The following RNF220 variants were observed in gnomAD, a reference collection of about 807,000 sequenced individuals.
RNF220 encodes ring finger protein 220, also known as E3 ubiquitin-protein ligase RNF220.
A neutral mutation model predicts 67.1 loss-of-function variants in RNF220; 7 were observed. The observed-to-expected ratio is 0.10, with a 90% CI of 0.06 to 0.20. The LOEUF (loss-of-function observed/expected upper bound fraction) is 0.20. Ranked by LOEUF, RNF220 falls within the 10% of genes least tolerant of loss-of-function variation. The pLI is 1.00. For missense variants in RNF220, 565 were observed against 740.3 expected (o/e 0.76, Z 2.75); for synonymous variants, 270 against 283.2 (o/e 0.95, Z 0.47).
At chr1:44,503,024 G>T (rs775168253) in intron 2 of RNF220, among the ~76,000 whole-genome samples, 39 of 152,012 alleles carry the variant, frequency 2.6e-4, no homozygotes, top group Non-Finnish European at 5.3e-4. Context: ...TTACTTTAAT[G>T]TTGGGTGCAT....
rs147938334 is a variant in RNF220 at position 44,595,627 on chromosome 1, G to A, written c.626-18538G>A. On this transcript the variant is annotated intron_variant, in intron 2 of 14. Coordinates refer to ENST00000361799, the MANE Select transcript of RNF220 (RefSeq NM_018150.4). The stretch of plus-strand genomic sequence containing the variant: ...CTCCAGACTCAGCAATACTGAGCAC[G>A]TGTTTGTCTGCTCTCTTCACTGAAA... Among the ~76,000 whole-genome samples the A allele has an allele frequency of 2.7e-3, 417 of 152,278 alleles. 1 individual carries two copies. The highest frequency in any genetic ancestry group is 9.5e-3 in the African/African-American group (396 of 41,554).
chr1:44,599,274 T>C (rs1666754158), intron 2 of RNF220, among the ~76,000 whole-genome samples: 3 of 152,232 alleles, frequency 2.0e-5, no homozygotes, highest in Non-Finnish European at 2.9e-5. Flanking sequence ...ATATGATGTA[T>C]GCAATAATCG....
chr1:44,631,905 G>A (rs1644139488), intron 5 of RNF220: 5 of 986,136 alleles, frequency 5.1e-6, no homozygotes, highest in Non-Finnish European at 6.0e-6. Flanking sequence ...GTCTCTGTCC[G>A]GCCGCCCCCG....
chr1:44,512,512 G>T (rs12145658), intron 2 of RNF220, among the ~76,000 whole-genome samples: 25,817 of 152,158 alleles, frequency 0.17, 2,807 homozygotes, highest in Non-Finnish European at 0.24. Flanking sequence ...CCCTAAGGGG[G>T]TTAGCTGAGA....
intron 6 of RNF220, among the ~76,000 whole-genome samples, chr1:44,633,979 A>G (rs1029758814): frequency 3.9e-5 from 6 of 152,228 alleles, no homozygotes; most frequent in African/African-American, 1.4e-4. Flanking sequence ...CAGTCATGTC[A>G]CCTATAGTGA....
At chr1:44,494,603 A>G (rs1305704135) in intron 2 of RNF220, among the ~76,000 whole-genome samples, 1 of 152,134 alleles carries the variant, frequency 6.6e-6, no homozygotes, top group Non-Finnish European at 1.5e-5. Context: ...AAAAAGAAAA[A>G]AAAAAGATAC....
In RNF220 at chr1:44,412,750, T is replaced by TACCCCCAGTAAGCCCTGCCTC. The variant is rs1309120621; in HGVS notation, c.625+32_625+52dup. On this transcript the variant is annotated intron_variant, in intron 2 of 14. Transcript: ENST00000361799. This position sits in a 1 kb window ranked among gnomAD's most constrained non-coding sequence, Gnocchi z 5.3. ...AAGTACTTTGGTTCCAGCCCTCCCT[T>TACCCCCAGTAAGCCCTGCCTC]ACCCCCAGTAAGCCCTGCCTCACCG... 6.3e-7 allele frequency: 1 copy of TACCCCCAGTAAGCCCTGCCTC among 1,596,468 alleles called. No homozygotes were observed. Among genetic ancestry groups the TACCCCCAGTAAGCCCTGCCTC allele is most frequent in the Non-Finnish European group, 8.5e-7 (1 of 1,169,742 alleles).
In RNF220 at chr1:44,650,278, G is replaced by A. The variant is rs980150192; in HGVS notation, c.1629+321G>A. ...GGCTGGCTGTAGGTAAACAGGACCA[G>A]GGCCTTGGCCCCTCCCCCTCCCATT... On this transcript the variant is annotated intron_variant, in intron 14 of 14. Coordinates refer to ENST00000361799, the MANE Select transcript of RNF220 (RefSeq NM_018150.4). This position sits in a 1 kb window ranked among gnomAD's most constrained non-coding sequence, Gnocchi z 4.3. 67 of 515,464 alleles carry A rather than the reference G, an allele frequency of 1.3e-4. No homozygotes were observed. The highest frequency in any genetic ancestry group is 2.2e-4 in the Non-Finnish European group (64 of 287,056). The allele number at this position is 515,464 out of a possible 1,614,324, so 31.9% of individuals were successfully genotyped here.
chr1:44,552,906 A>C (rs1662777848), intron 2 of RNF220, among the ~76,000 whole-genome samples: 1 of 152,150 alleles, frequency 6.6e-6, no homozygotes, highest in African/African-American at 2.4e-5. Context: ...ACCACATGTC[A>C]TCTGATCTCT....
chr1:44,462,521 G>A (rs550766993), intron 2 of RNF220, among the ~76,000 whole-genome samples: 1 of 152,230 alleles, frequency 6.6e-6, no homozygotes, highest in South Asian at 2.1e-4. Context: ...ACTTGATAGA[G>A]GTTTCCCCAA....
chr1:44,531,923 G>T (rs1660866133), intron 2 of RNF220, among the ~76,000 whole-genome samples: 1 of 152,186 alleles, frequency 6.6e-6, no homozygotes, highest in Admixed American at 6.5e-5. Flanking sequence ...GGACATACAA[G>T]AATCAGCTTC....
chr1:44,592,920 C>T (rs920813520), intron 2 of RNF220, among the ~76,000 whole-genome samples: 5 of 152,106 alleles, frequency 3.3e-5, no homozygotes, highest in South Asian at 2.1e-4. Flanking sequence ...CAGGATAGGA[C>T]GCAGGGAGTG....
chr1:44,419,810 A>C (rs1230974512), intron 2 of RNF220: 1 of 152,232 alleles, frequency 6.6e-6, no homozygotes, highest in African/African-American at 2.4e-5. Flanking sequence ...CCTTTCTCAA[A>C]TATAGACTTA....
At chr1:44,556,839 G>A (rs1427929866) in intron 2 of RNF220, among the ~76,000 whole-genome samples, 4 of 152,064 alleles carry the variant, frequency 2.6e-5, no homozygotes, top group Non-Finnish European at 2.9e-5. Flanking sequence ...GATTACAGGC[G>A]TAAGCCACCG....
At chr1:44,633,518 A>G (rs905581225) in intron 6 of RNF220, among the ~76,000 whole-genome samples, 1 of 152,214 alleles carries the variant, frequency 6.6e-6, no homozygotes, top group South Asian at 2.1e-4. Context: ...GGGAAGGTGA[A>G]AACCAAACCT....
intron 8 of RNF220, chr1:44,643,643 G>GAC (rs1644550434): frequency 6.6e-6 from 1 of 152,130 alleles, no homozygotes; most frequent in Non-Finnish European, 1.5e-5. Flanking sequence ...AAGCAGAAAT[G>GAC]TCTGAAATCA....
Position 44,554,072 on chromosome 1 carries a change from C to T in RNF220, c.626-60093C>T, listed in dbSNP as rs572160615. Among the ~76,000 whole-genome samples, 14 of 152,298 alleles carry T rather than the reference C, an allele frequency of 9.2e-5. No homozygotes were observed. In the South Asian group the frequency reaches 2.9e-3, roughly 32 times the overall value. ...CATAGGAATCCTGAAGGCAAGCAAG[C>T]TTGGTTGTTGGGGCAGAAGACAGAA... On this transcript the variant is annotated intron_variant, in intron 2 of 14. Coordinates refer to ENST00000361799, the MANE Select transcript of RNF220 (RefSeq NM_018150.4).
At position 44,646,658 on chromosome 1, in the gene RNF220, A is replaced by G. The variant is rs1285443671; in HGVS notation, c.1445+1170A>G. 2.6e-5 allele frequency among the ~76,000 whole-genome samples: 4 copies of G among 152,016 alleles called. No individual in the cohort carries two copies. In the East Asian group the frequency reaches 7.7e-4, roughly 29 times the overall value. ...TAATCAGGGATGGCGCCCGAGGGGG[A>G]GGTGGGGGCAGAGCCAGTGGCTTCC... On this transcript the variant is annotated intron_variant, in intron 12 of 14. Transcript: ENST00000361799.
chr1:44,530,966 T>C (rs566576093), intron 2 of RNF220, among the ~76,000 whole-genome samples: 1 of 152,148 alleles, frequency 6.6e-6, no homozygotes, highest in Admixed American at 6.6e-5. Flanking sequence ...CCGTCTTAAA[T>C]AAATAATAAA....
Sources: gnomAD v4.1 joint callset for allele counts (sites outside exome capture counted in the v4.1 genomes callset) on GRCh38, gnomAD v4.1.1 for gene constraint, Gnocchi (gnomAD v3.1) non-coding constraint, MANE v1.5 for transcripts, NCBI Gene and HGNC (gene_info 2026-07-23, HGNC 2026-07-21) for gene names.